ACTL6B: variants seen among roughly 807,000 people sequenced by gnomAD.
ACTL6B encodes the protein actin-like protein 6B.
Under a neutral mutation model 63.3 loss-of-function variants are expected in ACTL6B, and 48 were observed. That is an observed-to-expected ratio of 0.76 (90% CI 0.60 to 0.96). The LOEUF (loss-of-function observed/expected upper bound fraction) is 0.96, where lower values mean the gene tolerates loss of function less well. Among genes scored for constraint, ACTL6B ranks in the 50% least tolerant of loss-of-function variants. The pLI, the probability that ACTL6B is intolerant of heterozygous loss-of-function variation, is 0.00. For missense variants in ACTL6B, 350 were observed against 572.2 expected, an observed-to-expected ratio of 0.61 and a Z score of 3.96; for synonymous variants, 230 against 223.8, an observed-to-expected ratio of 1.03 and a Z score of -0.25.
At position 100,655,852 on chromosome 7, in the gene ACTL6B, A is replaced by G. The variant is rs1804030465; in HGVS notation, c.53T>C (p.Ile18Thr). 1.9e-6 allele frequency: 3 copies of G among 1,575,024 alleles called. No homozygotes were observed. The highest frequency in any genetic ancestry group is 1.2e-5 in the South Asian group (1 of 85,856). ...CCCAGCGCGGACTGAGAAGGAGCCA[A>G]TGTCAAAGACCAGCGCCCCCACCTC... is the stretch of plus-strand genomic sequence containing the variant. ...GDEVGALVFDIGSFSVRAGYA... is the reference protein window; with the variant it reads ...GDEVGALVFDTGSFSVRAGYA... The change falls in exon 2 of 14, where the codon ATT becomes ACT. Residue 18 changes from isoleucine to threonine, a missense_variant. Ile to Thr is a moderately conservative substitution (Grantham distance 89). Around this residue, in one of 3 missense-constraint regions of ACTL6B, gnomAD observed 250 missense variants for 364.7 expected, o/e 0.69. Coordinates refer to ENST00000160382, the MANE Select transcript of ACTL6B (RefSeq NM_016188.5). This position sits in a 1 kb window ranked among gnomAD's most constrained non-coding sequence, Gnocchi z 4.4.
At position 100,646,036 on chromosome 7, in the gene ACTL6B, G is replaced by A. The variant is rs1039117614; in HGVS notation, c.1200+213C>T. Among the ~76,000 whole-genome samples the A allele has an allele frequency of 7.2e-5, 11 of 152,246 alleles. No individual in the cohort carries two copies. Among genetic ancestry groups the A allele is most frequent in the Admixed American group, 7.2e-4 (11 of 15,276 alleles). The stretch of plus-strand genomic sequence containing the variant: ...TCCCCCCACTTCAGCCACCCAAAGT[G>A]CTGGGATGACAGGTGTGGGCCACCA... On this transcript the variant is annotated intron_variant, in intron 13 of 13. Coordinates refer to ENST00000160382, the MANE Select transcript of ACTL6B (RefSeq NM_016188.5). This position sits in a 1 kb window ranked among gnomAD's most constrained non-coding sequence, Gnocchi z 6.1.
At position 100,646,228 on chromosome 7, in the gene ACTL6B, G is replaced by T. The variant is rs777690291; in HGVS notation, c.1200+21C>A. ...CCCTCTCCCCCACAGTCAGTGCTAGGCCAGGTCCCTTTCCTCTCACCAGTG... is the reference window on the plus strand; with the variant it reads ...CCCTCTCCCCCACAGTCAGTGCTAGTCCAGGTCCCTTTCCTCTCACCAGTG... On this transcript the variant is annotated intron_variant, in intron 13 of 13. Transcript: ENST00000160382. This position sits in a 1 kb window ranked among gnomAD's most constrained non-coding sequence, Gnocchi z 6.1. 1.9e-5 allele frequency: 30 copies of T among 1,609,072 alleles called. No homozygotes were observed. The highest frequency in any genetic ancestry group is 2.4e-5 in the Non-Finnish European group (28 of 1,176,462).
In ACTL6B at chr7:100,655,933, G is replaced by A; in HGVS notation, c.26-54C>T. The A allele has an allele frequency of 6.6e-7, 1 of 1,516,652 alleles. No individual in the cohort carries two copies. The highest frequency in any genetic ancestry group is 8.9e-7 in the Non-Finnish European group (1 of 1,122,946). The allele number at this position is 1,516,652 out of a possible 1,614,324, so 93.9% of individuals were successfully genotyped here. On this transcript the variant is annotated intron_variant, in intron 1 of 13. Coordinates refer to ENST00000160382, the MANE Select transcript of ACTL6B (RefSeq NM_016188.5). The surrounding 1 kb of genome is among the most constrained non-coding windows in gnomAD (Gnocchi z 4.4). ...ACCTCCCCCGAACTCTCTCCCGCTA[G>A]GTAGCTCCGAGAGAAAGTCAGGGCA...
At position 100,646,543 on chromosome 7, in the gene ACTL6B, G is replaced by T. The variant is rs753782664; in HGVS notation, c.1113+8C>A. On this transcript the variant is annotated splice_region_variant and intron_variant, in intron 12 of 13. Transcript: ENST00000160382. This position sits in a 1 kb window ranked among gnomAD's most constrained non-coding sequence, Gnocchi z 6.1. ...GTCCAGGGCTCTGGGTCAGGGGTGGGCTCCTACCGGTGGGGTCTTCTGGGA... is the reference window on the plus strand; with the variant it reads ...GTCCAGGGCTCTGGGTCAGGGGTGGTCTCCTACCGGTGGGGTCTTCTGGGA... 1 of 1,613,872 alleles carries T rather than the reference G, an allele frequency of 6.2e-7. No homozygotes were observed. Among genetic ancestry groups the T allele is most frequent in the Non-Finnish European group, 8.5e-7 (1 of 1,179,892 alleles).
At chr7:100,644,561 C>A (rs1289131682) in intron 13 of ACTL6B, among the ~76,000 whole-genome samples, 1 of 152,162 alleles carries the variant, frequency 6.6e-6, no homozygotes, top group Non-Finnish European at 1.5e-5. Flanking sequence ...GATCCTCCAA[C>A]CTTGGCCTCC....
Position 100,646,185 on chromosome 7 carries a change from G to A in ACTL6B, c.1200+64C>T, listed in dbSNP as rs968212734. 2.5e-5 allele frequency: 33 copies of A among 1,343,320 alleles called. No individual in the cohort carries two copies. The highest frequency in any genetic ancestry group is 1.8e-4 in the Middle Eastern group (1 of 5,594). 83.2% of individuals were successfully genotyped at this position (1,343,320 alleles called of 1,614,324 possible). A position where few individuals can be genotyped will look rare whatever the true frequency, so the allele number is the denominator to read the frequency against. ...TGAACGAAGAGGCAGTCAAAGTGGC[G>A]GGCACTGTCTGGGTCTCCCCTCTCC... On this transcript the variant is annotated intron_variant, in intron 13 of 13. Transcript: ENST00000160382. The surrounding 1 kb of genome is among the most constrained non-coding windows in gnomAD (Gnocchi z 6.1).
At chr7:100,644,362 T>C (rs1407406170) in intron 13 of ACTL6B, among the ~76,000 whole-genome samples, 2 of 152,164 alleles carry the variant, frequency 1.3e-5, no homozygotes, top group African/African-American at 2.4e-5. Context: ...CCTACACACA[T>C]GTGCTGTCCA....
rs775729321 is a variant in ACTL6B at position 100,655,124 on chromosome 7, G to A, written c.269-5C>T. ...GGAAGCACTCCCAGTCCTCGACTGGGGCCAGAAGAGCAGCGTGCAGAGACG... is the reference window on the plus strand; with the variant it reads ...GGAAGCACTCCCAGTCCTCGACTGGAGCCAGAAGAGCAGCGTGCAGAGACG... On this transcript the variant is annotated splice_region_variant and splice_polypyrimidine_tract_variant and intron_variant, in intron 3 of 13. Transcript: ENST00000160382. The surrounding 1 kb of genome is among the most constrained non-coding windows in gnomAD (Gnocchi z 4.4). 4 of 1,611,602 alleles carry A rather than the reference G, an allele frequency of 2.5e-6. No homozygotes were observed. Among genetic ancestry groups the A allele is most frequent in the Non-Finnish European group, 2.5e-6 (3 of 1,177,954 alleles).
rs987500159 is a variant in ACTL6B, at chr7:100,653,094, G to A, written c.369+1925C>T. 4.2e-5 allele frequency among the ~76,000 whole-genome samples: 6 copies of A among 142,416 alleles called. No individual in the cohort carries two copies. The Admixed American group carries it at 4.3e-4, about 10-fold the overall frequency. The allele number at this position is 142,416 out of a possible 152,430, so 93.4% of individuals were successfully genotyped here. ...GGAAAACAAAAAGTTGCACAAGAAA[G>A]GAAAGGTGATCATGGTGTATTGCCT... On this transcript the variant is annotated intron_variant, in intron 4 of 13. Transcript: ENST00000160382.
At position 100,650,164 on chromosome 7, in the gene ACTL6B, T is replaced by G. The variant is rs57528748; in HGVS notation, c.370-29A>C. On this transcript the variant is annotated intron_variant, in intron 4 of 13. Transcript: ENST00000160382. The stretch of plus-strand genomic sequence containing the variant: ...TGGAGAAAGTGCAGAGGGGGAGGAT[T>G]CAGGAAGGGAGAGGCACAGACCCAC... The G allele has an allele frequency of 3.3e-4, 524 of 1,607,086 alleles. 5 individuals are homozygous for G. In the African/African-American group the frequency reaches 6.3e-3, roughly 19 times the overall value.
intron 4 of ACTL6B, among the ~76,000 whole-genome samples, 163 bp from the exon 5 acceptor site, chr7:100,650,298 G>A (rs1023032405): frequency 6.7e-6 from 1 of 150,042 alleles, no homozygotes; most frequent in South Asian, 2.1e-4. Context: ...ATACACTCAC[G>A]GTCATACACA....
At position 100,648,947 on chromosome 7, in the gene ACTL6B, C is replaced by A. The variant is rs868453114; in HGVS notation, c.468-124G>T. 1.8e-5 allele frequency: 16 copies of A among 892,610 alleles called. No homozygotes were observed. The highest frequency in any genetic ancestry group is 2.5e-5 in the Non-Finnish European group (15 of 607,478). The allele number at this position is 892,610 out of a possible 1,614,324, so 55.3% of individuals were successfully genotyped here. A position where few individuals can be genotyped will look rare whatever the true frequency, so the allele number is the denominator to read the frequency against. ...CATCCCCAGTCTGCAAATCTCTCCC[C>A]CTGGTGATGACTCATCTCCTGGAGA... On this transcript the variant is annotated intron_variant, in intron 5 of 13. Coordinates refer to ENST00000160382, the MANE Select transcript of ACTL6B (RefSeq NM_016188.5). This position sits in a 1 kb window ranked among gnomAD's most constrained non-coding sequence, Gnocchi z 4.4.
chr7:100,652,028 T>A (rs545267816), intron 4 of ACTL6B, among the ~76,000 whole-genome samples: 1 of 152,160 alleles, frequency 6.6e-6, no homozygotes, highest in Admixed American at 6.6e-5. Context: ...GCATGACAGG[T>A]CTGTCCCCTG....
chr7:100,653,283 C>T (rs573783693), intron 4 of ACTL6B, among the ~76,000 whole-genome samples: 2 of 152,080 alleles, frequency 1.3e-5, no homozygotes, highest in East Asian at 3.9e-4. Context: ...CCCATCTCTG[C>T]AAAAGATTCT....
intron 5 of ACTL6B, 46 bp downstream of exon 5, chr7:100,649,992 C>CTG (rs1803904820): frequency 1.3e-6 from 2 of 1,570,728 alleles, no homozygotes; most frequent in Non-Finnish European, 1.7e-6. Flanking sequence ...GCACAGGCCC[C>CTG]ACCCCAGCCC....
At position 100,647,150 on chromosome 7, in the gene ACTL6B, A is replaced by G; in HGVS notation, c.822-65T>C. ...GAAGGATCAGTGCGTGGGCAGCACC[A>G]GAGCCCCCCAGCCCACCCCAAGAGT... is the stretch of plus-strand genomic sequence containing the variant. On this transcript the variant is annotated intron_variant, in intron 9 of 13. Coordinates refer to ENST00000160382, the MANE Select transcript of ACTL6B (RefSeq NM_016188.5). This position sits in a 1 kb window ranked among gnomAD's most constrained non-coding sequence, Gnocchi z 4.4. 1 of 1,608,026 alleles carries G rather than the reference A, an allele frequency of 6.2e-7. No homozygotes were observed. Among genetic ancestry groups the G allele is most frequent in the South Asian group, 1.1e-5 (1 of 90,952 alleles).
At chr7:100,643,555 A>G (rs1001686873) in intron 13 of ACTL6B, among the ~76,000 whole-genome samples, 9 of 152,150 alleles carry the variant, frequency 5.9e-5, no homozygotes, top group Non-Finnish European at 1.2e-4. Flanking sequence ...TTCAACAAGT[A>G]TTATTGAACA....
Position 100,646,712 on chromosome 7 carries a change from G to T in ACTL6B, c.1017+39C>A, listed in dbSNP as rs185714057. The T allele has an allele frequency of 2.3e-5, 37 of 1,613,080 alleles. No individual in the cohort carries two copies. The highest frequency in any genetic ancestry group is 2.2e-4 in the Admixed American group (13 of 59,992). On this transcript the variant is annotated intron_variant, in intron 11 of 13. Coordinates refer to ENST00000160382, the MANE Select transcript of ACTL6B (RefSeq NM_016188.5). The surrounding 1 kb of genome is among the most constrained non-coding windows in gnomAD (Gnocchi z 6.1). Reference sequence around the variant, plus strand: ...CCAACCCCGTCTCCCCACTTCCCCTGGGCCCCTTTGCCGAGCCTCAGCTCC... The same window carrying T: ...CCAACCCCGTCTCCCCACTTCCCCTTGGCCCCTTTGCCGAGCCTCAGCTCC...
intron 5 of ACTL6B, 63 bp downstream of exon 5, chr7:100,649,975 G>T: frequency 6.8e-7 from 1 of 1,477,514 alleles, no homozygotes; most frequent in Non-Finnish European, 9.4e-7. Context: ...CATCACAGCT[G>T]AGCTCAGCAC....
Sources: gnomAD v4.1 joint callset for allele counts (sites outside exome capture counted in the v4.1 genomes callset) on GRCh38, gnomAD v4.1.1 for gene constraint, gnomAD v4.1.1 regional missense constraint, Gnocchi (gnomAD v3.1) non-coding constraint, MANE v1.5 for transcripts, NCBI Gene and HGNC (gene_info 2026-07-23, HGNC 2026-07-21) for gene names.